SCFD1: variants seen among roughly 807,000 people sequenced by gnomAD.
SCFD1 encodes sec1 family domain-containing protein 1.
A neutral mutation model predicts 103.2 loss-of-function variants in SCFD1; 37 were observed. The observed-to-expected ratio is 0.36, with a 90% CI of 0.28 to 0.47. The LOEUF (loss-of-function observed/expected upper bound fraction) is 0.47. Among genes scored for constraint, SCFD1 ranks in the 20% least tolerant of loss-of-function variants. The pLI, the probability that SCFD1 is intolerant of heterozygous loss-of-function variation, is 1.00. For missense variants in SCFD1, 639 were observed against 761.2 expected (o/e 0.84, Z 1.89); for synonymous variants, 264 against 245.0 (o/e 1.08, Z -0.73).
intron 4 of SCFD1, among the ~76,000 whole-genome samples, 175 bp from the exon 5 acceptor site, chr14:30,637,950 A>G (rs1439166556): frequency 6.6e-6 from 1 of 152,200 alleles, no homozygotes; most frequent in East Asian, 1.9e-4. Context: ...TTTTAGTTAC[A>G]TCTGATAACC....
chr14:30,731,040 A>G (rs1893422574), intron 23 of SCFD1, among the ~76,000 whole-genome samples: 1 of 152,152 alleles, frequency 6.6e-6, no homozygotes, highest in African/African-American at 2.4e-5. Flanking sequence ...GGGTGTAAGG[A>G]AGGGATCCAG....
At chr14:30,712,768 T>G (rs1334603126) in intron 19 of SCFD1, among the ~76,000 whole-genome samples, 1 of 152,220 alleles carries the variant, frequency 6.6e-6, no homozygotes, top group Non-Finnish European at 1.5e-5. Context: ...TCTATATCTA[T>G]AATGGCTTTC....
At chr14:30,673,759 T>C (rs1242856914) in intron 12 of SCFD1, among the ~76,000 whole-genome samples, 165 bp from the exon 13 acceptor site, 1 of 152,220 alleles carries the variant, frequency 6.6e-6, no homozygotes, top group Non-Finnish European at 1.5e-5. Context: ...CATTAAAATA[T>C]ATATGCTTGC....
intron 18 of SCFD1, 106 bp downstream of exon 18, chr14:30,705,991 CCAT>C (rs1179311351): frequency 1.2e-5 from 10 of 858,238 alleles, no homozygotes; most frequent in African/African-American, 1.7e-5. Context: ...GAAAATGTCA[CCAT>C]GCCTTTGGTG....
chr14:30,634,983 ATCTAGCAAGATTCT>A (rs1466565368), intron 4 of SCFD1: 1 of 455,828 alleles, frequency 2.2e-6, no homozygotes, highest in Non-Finnish European at 4.4e-6. Flanking sequence ...CCCAAAGAAA[ATCTAGCAAGATTCT>A]TTTAGCAAGG....
chr14:30,708,243 A>G (rs1256783331), intron 19 of SCFD1, among the ~76,000 whole-genome samples, 178 bp downstream of exon 19: 3 of 151,972 alleles, frequency 2.0e-5, no homozygotes, highest in African/African-American at 4.8e-5. Context: ...GGTTTGTTAC[A>G]TAGGTAAATG....
intron 10 of SCFD1, among the ~76,000 whole-genome samples, chr14:30,656,228 TGA>T (rs1404538382): frequency 2.6e-5 from 4 of 152,114 alleles, no homozygotes; most frequent in Non-Finnish European, 5.9e-5. Context: ...CCCAAAGTGC[TGA>T]GATTACAAGC....
At chr14:30,688,921 CA>C (rs1470149027) in intron 14 of SCFD1, among the ~76,000 whole-genome samples, 1 of 88,696 alleles carries the variant, frequency 1.1e-5, no homozygotes, top group East Asian at 4.5e-4. Context: ...ATGGTCTTTA[CA>C]TTTTGGCATG....
In SCFD1 at chr14:30,708,005, C is replaced by A; in HGVS notation, c.1569C>A (p.Val523=). Residue 523 remains valine, a synonymous_variant, in exon 19 of 25, where the codon GTC becomes GTA. Transcript: ENST00000458591. ...CCCTACCTAGTCTTTTATCACGAGT[C>A]ATGAATACAGGATCACAGTTTGTGA... ...TTKPMGLLSR[V]MNTGSQFVME... 1 of 1,612,800 alleles carries A rather than the reference C, an allele frequency of 6.2e-7. No individual in the cohort carries two copies. The highest frequency in any genetic ancestry group is 1.1e-5 in the South Asian group (1 of 91,026).
At chr14:30,693,908 G>T (rs1018300220) in intron 14 of SCFD1, among the ~76,000 whole-genome samples, 2 of 151,972 alleles carry the variant, frequency 1.3e-5, no homozygotes, top group Non-Finnish European at 2.9e-5. Flanking sequence ...ATTTTTATTT[G>T]CTTTTGAGGA....
At chr14:30,677,749 G>T (rs751222276) in intron 14 of SCFD1, among the ~76,000 whole-genome samples, 2 of 145,984 alleles carry the variant, frequency 1.4e-5, no homozygotes, top group African/African-American at 5.1e-5. Context: ...ATTTTGCTCC[G>T]TAATCTCTTC....
intron 14 of SCFD1, among the ~76,000 whole-genome samples, chr14:30,684,741 T>C (rs1249574044): frequency 2.7e-5 from 4 of 148,416 alleles, no homozygotes; most frequent in African/African-American, 9.9e-5. Context: ...TTTTTTTTTT[T>C]TTTTTTACTT....
intron 23 of SCFD1, among the ~76,000 whole-genome samples, chr14:30,728,197 C>A (rs1035696022): frequency 4.6e-5 from 7 of 152,136 alleles, no homozygotes; most frequent in Admixed American, 3.9e-4. Flanking sequence ...CCTTTAATTT[C>A]ATGCCTTTTA....
intron 14 of SCFD1, among the ~76,000 whole-genome samples, chr14:30,688,942 C>T (rs1221521334): frequency 3.9e-5 from 3 of 75,998 alleles, no homozygotes; most frequent in East Asian, 5.5e-4. Context: ...GATTTTGCAG[C>T]GGCTGGTACC....
chr14:30,646,074 G>A (rs1885795742), intron 7 of SCFD1, among the ~76,000 whole-genome samples: 1 of 151,840 alleles, frequency 6.6e-6, no homozygotes, highest in Non-Finnish European at 1.5e-5. Flanking sequence ...TCACTAGGCT[G>A]GAGTGCAGTG....
Position 30,673,955 on chromosome 14 carries a change from G to C in SCFD1, c.1118G>C (p.Ser373Thr), listed in dbSNP as rs764028846. The C allele has an allele frequency of 1.2e-6, 2 of 1,613,800 alleles. No individual in the cohort carries two copies. The highest frequency in any genetic ancestry group is 2.2e-5 in the South Asian group (2 of 91,066). The change falls in exon 13 of 25, where the codon AGT becomes ACT. Residue 373 changes from serine to threonine, a missense_variant. Physicochemically the swap from Ser to Thr is moderately conservative, Grantham distance 58. Transcript: ENST00000458591. Reference sequence around the variant, plus strand: ...GAAGGGGAAGATGAAGGAGCCATAAGTATGCTTTCTGACAATACCGCTAAG... The same window carrying C: ...GAAGGGGAAGATGAAGGAGCCATAACTATGCTTTCTGACAATACCGCTAAG... ...GLEGEDEGAI[S>T]MLSDNTAKLT... is the part of the protein sequence containing the mutation.
chr14:30,719,396 G>A lies in SCFD1; in HGVS notation c.1736+19G>A. 1 of 1,588,386 alleles carries A rather than the reference G, an allele frequency of 6.3e-7. No individual in the cohort carries two copies. The highest frequency in any genetic ancestry group is 1.8e-5 in the Admixed American group (1 of 56,328). ...ATGACAGGTAAGCAGCTTTTGTCTT[G>A]TTTAACTTGTGGATTTTTTCCCCTC... On this transcript the variant is annotated intron_variant, in intron 21 of 24. Transcript: ENST00000458591.
At position 30,645,504 on chromosome 14, in the gene SCFD1, C is replaced by T. The variant is rs191894179; in HGVS notation, c.613+2099C>T. Among the ~76,000 whole-genome samples the T allele has an allele frequency of 2.5e-3, 385 of 152,202 alleles. 5 individuals are homozygous for T. The highest frequency in any genetic ancestry group is 8.7e-3 in the African/African-American group (362 of 41,560). On this transcript the variant is annotated intron_variant, in intron 7 of 24. Coordinates refer to ENST00000458591, the MANE Select transcript of SCFD1 (RefSeq NM_016106.4). ...CATTTGTTTGTGTCATCTCTGATTT[C>T]TTTTCGTTTCGTAATTCTTGTTGTA...
intron 10 of SCFD1, among the ~76,000 whole-genome samples, chr14:30,657,779 T>TAAGTA (rs2139136924): frequency 6.6e-6 from 1 of 152,306 alleles, no homozygotes; most frequent in South Asian, 2.1e-4. Flanking sequence ...CAAGATGGAG[T>TAAGTA]AAGTAAATAG....
Sources: allele counts gnomAD v4.1 joint callset (sites outside exome capture counted in the v4.1 genomes callset), GRCh38; gene constraint gnomAD v4.1.1; transcripts MANE v1.5; gene names NCBI Gene and HGNC (gene_info 2026-07-23, HGNC 2026-07-21).